The following SLC26A7 variants were observed in gnomAD, a reference collection of about 807,000 sequenced individuals.
SLC26A7 encodes the protein solute carrier family 26 member 7.
Under a neutral mutation model 82.5 loss-of-function variants are expected in SLC26A7, and 59 were observed. The observed-to-expected ratio is 0.72, with a 90% CI of 0.58 to 0.89. The LOEUF (loss-of-function observed/expected upper bound fraction) is 0.89. Among genes scored for constraint, SLC26A7 ranks in the 40% least tolerant of loss-of-function variants. SLC26A7 has a pLI of 0.00. For missense variants in SLC26A7, 820 were observed against 793.0 expected (o/e 1.03, Z -0.41); for synonymous variants, 271 against 274.3 (o/e 0.99, Z 0.12).
chr8:91,324,057 C>T (rs187288386), intron 5 of SLC26A7, among the ~76,000 whole-genome samples: 1 of 152,064 alleles, frequency 6.6e-6, no homozygotes, highest in Admixed American at 6.6e-5. Flanking sequence ...GAACTCCTGT[C>T]GTCATGTGAT....
At chr8:91,223,671 T>C (rs1222668920) in intron 2 of SLC26A7, among the ~76,000 whole-genome samples, 1 of 152,146 alleles carries the variant, frequency 6.6e-6, no homozygotes, top group African/African-American at 2.4e-5. Context: ...AATCTTCTCA[T>C]GGTGTATCCA....
At chr8:91,304,288 C>T (rs908333957) in intron 4 of SLC26A7, among the ~76,000 whole-genome samples, 1 of 152,132 alleles carries the variant, frequency 6.6e-6, no homozygotes, top group Non-Finnish European at 1.5e-5. Context: ...AGGAGAGGAA[C>T]CTGGTGGGAA....
At chr8:91,295,779 T>C (rs551683578) in intron 4 of SLC26A7, 76 bp downstream of exon 4, 56 of 1,438,860 alleles carry the variant, frequency 3.9e-5, no homozygotes, top group South Asian at 6.9e-5. Context: ...TTTATTTTTA[T>C]TCTTGTTCAT....
chr8:91,265,720 T>C (rs1811092735), intron 2 of SLC26A7, among the ~76,000 whole-genome samples: 1 of 151,914 alleles, frequency 6.6e-6, no homozygotes, highest in African/African-American at 2.4e-5. Flanking sequence ...GCTTTTTGCT[T>C]ATTTATTGAT....
At chr8:91,253,819 A>G (rs915227048) in intron 2 of SLC26A7, among the ~76,000 whole-genome samples, 2 of 152,126 alleles carry the variant, frequency 1.3e-5, no homozygotes, top group Admixed American at 6.5e-5. Context: ...TGGAAACAAG[A>G]CAATGTCTTA....
At chr8:91,217,737 C>T (rs1810079812) in intron 1 of SLC26A7, among the ~76,000 whole-genome samples, 1 of 152,130 alleles carries the variant, frequency 6.6e-6, no homozygotes, top group African/African-American at 2.4e-5. Flanking sequence ...GAAATGGATC[C>T]CAGACAGGAA....
At position 91,340,508 on chromosome 8, in the gene SLC26A7, A is replaced by G; in HGVS notation, c.983A>G (p.Gln328Arg). 6.2e-7 allele frequency: 1 copy of G among 1,613,930 alleles called. No individual in the cohort carries two copies. Among genetic ancestry groups the G allele is most frequent in the East Asian group, 2.2e-5 (1 of 44,858 alleles). The change falls in exon 8 of 19, where the codon CAA becomes CGA. Residue 328 changes from glutamine (Q) to arginine (R), a missense_variant. Gln to Arg is a conservative substitution (Grantham distance 43). Transcript: ENST00000276609. ...VGYVASLALA[Q>R]GSAKKFKYSI... ...TATGTGGCCTCACTGGCTCTTGCTC[A>G]AGGATCTGCCAAAAAATTCAAATAT...
At chr8:91,303,692 T>C (rs1488572105) in intron 4 of SLC26A7, among the ~76,000 whole-genome samples, 1 of 152,206 alleles carries the variant, frequency 6.6e-6, no homozygotes, top group East Asian at 1.9e-4. Flanking sequence ...AACTGTAAGC[T>C]AAATAGGAGA....
chr8:91,291,844 T>C (rs909436793), intron 3 of SLC26A7, among the ~76,000 whole-genome samples: 3 of 152,242 alleles, frequency 2.0e-5, no homozygotes, highest in African/African-American at 4.8e-5. Context: ...TCATTCAACA[T>C]TAAAGCCGGA....
chr8:91,388,441 CCACTTTTATGTAG>C (rs1430330192), intron 15 of SLC26A7, among the ~76,000 whole-genome samples: 1 of 152,116 alleles, frequency 6.6e-6, no homozygotes, highest in Non-Finnish European at 1.5e-5. Flanking sequence ...AACCACAGTC[CCACTTTTATGTAG>C]CCACTATACA....
intron 5 of SLC26A7, among the ~76,000 whole-genome samples, chr8:91,332,212 A>G (rs1813101345): frequency 6.9e-6 from 1 of 144,640 alleles, no homozygotes; most frequent in African/African-American, 2.5e-5. Flanking sequence ...ACCTCTTTCT[A>G]TATATATTCA....
Position 91,233,364 on chromosome 8 carries a change from C to T in SLC26A7, c.-34+14359C>T, listed in dbSNP as rs149742243. Among the ~76,000 whole-genome samples, 15 of 152,028 alleles carry T rather than the reference C, an allele frequency of 9.9e-5. 1 individual carries two copies. In the East Asian group the frequency reaches 2.9e-3, roughly 30 times the overall value. On this transcript the variant is annotated intron_variant, in intron 2 of 5. Transcript: ENST00000522862. ...GGTGGATCACCTGAGGTCAGGAGTTCGAGACCAGCCTGACTAACATGGCAA... is the reference window on the plus strand; with the variant it reads ...GGTGGATCACCTGAGGTCAGGAGTTTGAGACCAGCCTGACTAACATGGCAA...
At chr8:91,283,117 G>A (rs930421493) in intron 2 of SLC26A7, among the ~76,000 whole-genome samples, 4 of 152,112 alleles carry the variant, frequency 2.6e-5, no homozygotes, top group African/African-American at 9.7e-5. Context: ...AGGAAAACTC[G>A]ACTTTTAGAA....
At chr8:91,389,979 A>G (rs10504904) in intron 16 of SLC26A7, among the ~76,000 whole-genome samples, 47,525 of 152,074 alleles carry the variant, frequency 0.31, 8,536 homozygotes, top group Admixed American at 0.45. Context: ...TATGCAAAAA[A>G]TAACACTCCA....
At chr8:91,264,877 A>G (rs1350507482) in intron 2 of SLC26A7, among the ~76,000 whole-genome samples, 1 of 151,922 alleles carries the variant, frequency 6.6e-6, no homozygotes, top group Admixed American at 6.6e-5. Context: ...TCAGATCTTC[A>G]TCATTTTTTT....
rs1030152514 is a variant in SLC26A7, at chr8:91,224,561, C to T, written c.-34+5556C>T. Reference sequence around the variant, plus strand: ...CAGCAGCAAAGATGGGTGTCTCCTCCTTCTTCTGGGACCTCTGACCTTGAG... The same window carrying T: ...CAGCAGCAAAGATGGGTGTCTCCTCTTTCTTCTGGGACCTCTGACCTTGAG... On this transcript the variant is annotated intron_variant, in intron 2 of 5. Coordinates refer to the SLC26A7 transcript ENST00000522862. Among the ~76,000 whole-genome samples, 3 of 152,216 alleles carry T rather than the reference C, an allele frequency of 2.0e-5. No individual in the cohort carries two copies. The East Asian group carries it at 5.8e-4, about 29-fold the overall frequency.
intron 2 of SLC26A7, among the ~76,000 whole-genome samples, chr8:91,251,674 C>G (rs1194562117): frequency 3.3e-5 from 5 of 151,988 alleles, no homozygotes; most frequent in Admixed American, 2.0e-4. Flanking sequence ...ACAGCAGTCT[C>G]CTCTCCATTT....
chr8:91,348,665 G>A (rs1260669813), intron 9 of SLC26A7, among the ~76,000 whole-genome samples: 1 of 151,856 alleles, frequency 6.6e-6, no homozygotes, highest in Admixed American at 6.6e-5. Context: ...TTTAATAAGT[G>A]CAATAGAAGC....
At chr8:91,354,190 T>C (rs1813799439) in intron 11 of SLC26A7, among the ~76,000 whole-genome samples, 1 of 152,108 alleles carries the variant, frequency 6.6e-6, no homozygotes, top group Admixed American at 6.6e-5. Flanking sequence ...TTGATAACCC[T>C]ATGGTTAAGT....
Sources: gnomAD v4.1 joint callset for allele counts (sites outside exome capture counted in the v4.1 genomes callset) on GRCh38, gnomAD v4.1.1 for gene constraint, MANE v1.5 for transcripts, NCBI Gene and HGNC (gene_info 2026-07-23, HGNC 2026-07-21) for gene names.